The following FRMD5 variants were observed in gnomAD, a reference collection of about 807,000 sequenced individuals.
The protein encoded by FRMD5 is FERM domain-containing protein 5.
A neutral mutation model predicts 69.0 loss-of-function variants in FRMD5; 20 were observed. The ratio of observed to expected loss-of-function variants is 0.29; its 90% CI spans 0.20 to 0.42. The LOEUF (loss-of-function observed/expected upper bound fraction) is 0.42, where lower values mean the gene tolerates loss of function less well. FRMD5 is among the 10% of genes least tolerant of loss of function. The pLI, the probability that FRMD5 is intolerant of heterozygous loss-of-function variation, is 1.00. For synonymous variants in FRMD5, 271 were observed against 260.1 expected (o/e 1.04, Z -0.40); for missense variants, 595 against 708.6 (o/e 0.84, Z 1.82).
At chr15:43,907,574 G>A (rs982880199) in intron 5 of FRMD5, among the ~76,000 whole-genome samples, 1 of 151,642 alleles carries the variant, frequency 6.6e-6, no homozygotes, top group Non-Finnish European at 1.5e-5. Flanking sequence ...CACCAGGCTG[G>A]AGTGCAGTAG....
chr15:44,109,703 T>C (rs1444993909), intron 1 of FRMD5, among the ~76,000 whole-genome samples: 1 of 152,186 alleles, frequency 6.6e-6, no homozygotes, highest in Admixed American at 6.5e-5. Flanking sequence ...CTCTTGGTAG[T>C]GTACTTTCTC....
At chr15:44,141,700 G>A (rs1349137348) in intron 1 of FRMD5, among the ~76,000 whole-genome samples, 2 of 152,160 alleles carry the variant, frequency 1.3e-5, no homozygotes, top group Admixed American at 6.5e-5. Flanking sequence ...TCTGTACCCA[G>A]AACTGAATTC....
chr15:43,955,833 T>C (rs973451240), intron 1 of FRMD5, among the ~76,000 whole-genome samples: 2 of 152,198 alleles, frequency 1.3e-5, no homozygotes. Flanking sequence ...TTTTAGGGCA[T>C]GGTCCTTGGC....
intron 1 of FRMD5, among the ~76,000 whole-genome samples, chr15:44,029,701 T>G (rs377266478): frequency 2.0e-5 from 3 of 152,324 alleles, no homozygotes; most frequent in African/African-American, 7.2e-5. Context: ...CACAGTAAAT[T>G]TGTTTCTCAA....
chr15:43,939,197 C>T (rs1294538886), intron 1 of FRMD5, among the ~76,000 whole-genome samples: 5 of 152,016 alleles, frequency 3.3e-5, no homozygotes, highest in African/African-American at 1.2e-4. Context: ...TTGATCAGAA[C>T]ATTTCTGAAT....
At chr15:44,169,700 T>G (rs1220856425) in intron 1 of FRMD5, among the ~76,000 whole-genome samples, 1 of 152,146 alleles carries the variant, frequency 6.6e-6, no homozygotes, top group Non-Finnish European at 1.5e-5. Context: ...TCCAATATGA[T>G]ACAATAACAA....
At chr15:43,896,995 G>A (rs1334127207) in intron 7 of FRMD5, among the ~76,000 whole-genome samples, 2 of 152,106 alleles carry the variant, frequency 1.3e-5, no homozygotes, top group Non-Finnish European at 2.9e-5. Flanking sequence ...AGAAGGAGGA[G>A]GAGGAGGAGG....
chr15:44,156,152 T>C (rs1370760398), intron 1 of FRMD5, among the ~76,000 whole-genome samples: 1 of 149,774 alleles, frequency 6.7e-6, no homozygotes, highest in Non-Finnish European at 1.5e-5. Flanking sequence ...TGACATATAA[T>C]TTTTTTTTTG....
chr15:43,878,446 T>G (rs1418135973), intron 13 of FRMD5, among the ~76,000 whole-genome samples: 1 of 152,198 alleles, frequency 6.6e-6, no homozygotes, highest in African/African-American at 2.4e-5. Flanking sequence ...AGAAACTGTT[T>G]TGAAATAACC....
intron 7 of FRMD5, among the ~76,000 whole-genome samples, chr15:43,892,366 T>A (rs902819082): frequency 5.3e-5 from 8 of 152,212 alleles, no homozygotes; most frequent in African/African-American, 1.9e-4. Flanking sequence ...CAACACCTCA[T>A]GCATTGCTGA....
intron 1 of FRMD5, among the ~76,000 whole-genome samples, chr15:44,118,853 G>A (rs1182510750): frequency 1.3e-5 from 2 of 152,172 alleles, no homozygotes; most frequent in Non-Finnish European, 2.9e-5. Flanking sequence ...ACTGCTCACT[G>A]CAGCCTCGAC....
intron 1 of FRMD5, among the ~76,000 whole-genome samples, chr15:43,931,628 T>G (rs753792297): frequency 3.3e-5 from 5 of 151,822 alleles, no homozygotes; most frequent in African/African-American, 4.8e-5. Flanking sequence ...TTTGGCAAAA[T>G]CTGGGAATTT....
intron 1 of FRMD5, among the ~76,000 whole-genome samples, chr15:43,986,759 T>G (rs1041271477): frequency 3.3e-5 from 5 of 152,026 alleles, no homozygotes; most frequent in African/African-American, 1.2e-4. Context: ...GGTTTTATTG[T>G]GCTTCACTTC....
rs1259782954 is a variant in FRMD5, at chr15:43,872,872, CGTT to C, written c.*1010_*1012del. On this transcript the variant is annotated 3_prime_UTR_variant, in exon 14 of 14. Coordinates refer to ENST00000417257, the MANE Select transcript of FRMD5 (RefSeq NM_032892.5). ...ATGAATTGTTAAGAAAATAACATTT[CGTT>C]GTTAAAATATAAATTGAAATAGTCT... 1 of 320,704 alleles carries C rather than the reference CGTT, an allele frequency of 3.1e-6. No homozygotes were observed. The allele number at this position is 320,704 out of a possible 1,614,324, so 19.9% of individuals were successfully genotyped here. A position where few individuals can be genotyped will look rare whatever the true frequency, so the allele number is the denominator to read the frequency against.
At chr15:44,105,107 C>T (rs2076697819) in intron 1 of FRMD5, among the ~76,000 whole-genome samples, 2 of 131,332 alleles carry the variant, frequency 1.5e-5, no homozygotes, top group Non-Finnish European at 3.2e-5. Context: ...TTTTTTGAGA[C>T]AGGGTCTCAC....
intron 1 of FRMD5, among the ~76,000 whole-genome samples, chr15:43,941,588 T>C (rs1353565121): frequency 6.6e-6 from 1 of 152,236 alleles, no homozygotes; most frequent in East Asian, 1.9e-4. Context: ...TTACTCCTTC[T>C]GGTATGCCCA....
intron 1 of FRMD5, among the ~76,000 whole-genome samples, chr15:44,040,991 G>GAAAAA (rs1892161384): frequency 4.8e-5 from 1 of 20,886 alleles, no homozygotes; most frequent in Admixed American, 7.5e-4. Flanking sequence ...GAAATGGAAA[G>GAAAAA]CAAAAAAAAA....
At chr15:44,162,408 A>C (rs2077631132) in intron 1 of FRMD5, among the ~76,000 whole-genome samples, 1 of 150,580 alleles carries the variant, frequency 6.6e-6, no homozygotes, top group Non-Finnish European at 1.5e-5. Flanking sequence ...GGCTTATTTA[A>C]CTCTTTGTCT....
intron 1 of FRMD5, among the ~76,000 whole-genome samples, chr15:44,128,597 G>A (rs2077055387): frequency 6.6e-6 from 1 of 152,154 alleles, no homozygotes; most frequent in African/African-American, 2.4e-5. Context: ...TTTCAATATT[G>A]GCATTCATCA....
Sources: allele counts gnomAD v4.1 joint callset (sites outside exome capture counted in the v4.1 genomes callset), GRCh38; gene constraint gnomAD v4.1.1; transcripts MANE v1.5; gene names NCBI Gene and HGNC (gene_info 2026-07-23, HGNC 2026-07-21).